Variants in CFDP1 observed in about 807,000 individuals in gnomAD.
CFDP1 encodes heterochromatin-stabilizing protein CFDP1.
Under a neutral mutation model 40.1 loss-of-function variants are expected in CFDP1, and 31 were observed. The observed-to-expected ratio is 0.77, with a 90% CI of 0.58 to 1.04. The LOEUF (loss-of-function observed/expected upper bound fraction) is 1.04, where lower values mean the gene tolerates loss of function less well. Among genes scored for constraint, CFDP1 ranks in the 50% least tolerant of loss-of-function variants. The pLI is 0.00. For synonymous variants in CFDP1, 167 were observed against 120.0 expected (o/e 1.39, Z -2.56); for missense variants, 423 against 343.4 (o/e 1.23, Z -1.83).
intron 5 of CFDP1, among the ~76,000 whole-genome samples, chr16:75,318,270 G>A (rs1393391711): frequency 6.6e-6 from 1 of 152,180 alleles, no homozygotes; most frequent in African/African-American, 2.4e-5. Flanking sequence ...GTTCCCATCA[G>A]GGACAACATG....
intron 4 of CFDP1, among the ~76,000 whole-genome samples, chr16:75,404,703 T>TG (rs1555564643): frequency 7.2e-6 from 1 of 139,562 alleles, no homozygotes; most frequent in African/African-American, 2.6e-5. Context: ...CCTGGACTCT[T>TG]AAAAAAAAAA....
intron 5 of CFDP1, among the ~76,000 whole-genome samples, chr16:75,382,581 T>C (rs182721313): frequency 6.6e-6 from 1 of 152,236 alleles, no homozygotes; most frequent in Admixed American, 6.5e-5. Context: ...CGTGCCCTTT[T>C]GAAATGGTAT....
At chr16:75,327,103 C>T (rs1242438001) in intron 5 of CFDP1, among the ~76,000 whole-genome samples, 1 of 152,090 alleles carries the variant, frequency 6.6e-6, no homozygotes, top group Non-Finnish European at 1.5e-5. Flanking sequence ...CCTGTCTCTA[C>T]TAAAAATACA....
Position 75,305,097 on chromosome 16 carries a change from G to C in CFDP1, c.736C>G (p.Leu246Val), listed in dbSNP as rs771336487. Reference sequence around the variant, plus strand: ...TCCTCCTTGAAGCTCTCCCAGTCCAGTTTGGACTTCTCAAGGGTGCTCATT... The same window carrying C: ...TCCTCCTTGAAGCTCTCCCAGTCCACTTTGGACTTCTCAAGGGTGCTCATT... ...QKMSTLEKSK[L>V]DWESFKEEEG... The change falls in exon 6 of 7, where the codon CTG becomes GTG. Residue 246 changes from leucine (L) to valine (V), a missense_variant. Coordinates refer to ENST00000283882, the MANE Select transcript of CFDP1 (RefSeq NM_006324.3). 2 of 1,613,958 alleles carry C rather than the reference G, an allele frequency of 1.2e-6. No homozygotes were observed. Among genetic ancestry groups the C allele is most frequent in the Non-Finnish European group, 1.7e-6 (2 of 1,179,992 alleles).
At chr16:75,341,990 C>T (rs2078530540) in intron 5 of CFDP1, among the ~76,000 whole-genome samples, 1 of 152,150 alleles carries the variant, frequency 6.6e-6, no homozygotes, top group Admixed American at 6.6e-5. Context: ...TCTAAAACTC[C>T]AGTGGCATTT....
intron 6 of CFDP1, among the ~76,000 whole-genome samples, chr16:75,295,038 G>C (rs2078172972): frequency 6.6e-6 from 1 of 152,210 alleles, no homozygotes. Context: ...AAATTGCCAT[G>C]GAAAATGGGA....
chr16:75,366,578 G>A (rs980498840), intron 5 of CFDP1, among the ~76,000 whole-genome samples: 2 of 152,100 alleles, frequency 1.3e-5, no homozygotes, highest in African/African-American at 2.4e-5. Flanking sequence ...AGCCGAGATC[G>A]TGCCACTGTA....
intron 5 of CFDP1, chr16:75,380,185 C>CCGATGAA: frequency 6.6e-6 from 1 of 151,526 alleles, no homozygotes; most frequent in East Asian, 1.9e-4. Flanking sequence ...GCACTTAAAG[C>CCGATGAA]CGATGAACTT....
intron 5 of CFDP1, among the ~76,000 whole-genome samples, chr16:75,328,042 A>C (rs2078416132): frequency 6.6e-6 from 1 of 151,574 alleles, no homozygotes; most frequent in Admixed American, 6.6e-5. Context: ...ACCAAATTAT[A>C]ATGTAATAGA....
chr16:75,410,142 G>C (rs1251520480), intron 4 of CFDP1, among the ~76,000 whole-genome samples: 1 of 130,032 alleles, frequency 7.7e-6, no homozygotes, highest in Non-Finnish European at 1.6e-5. Context: ...AGCTTCACTA[G>C]ATAAATAATT....
chr16:75,383,859 C>A (rs547438037), intron 5 of CFDP1, among the ~76,000 whole-genome samples: 1 of 150,322 alleles, frequency 6.7e-6, no homozygotes, highest in South Asian at 2.1e-4. Flanking sequence ...AAATTTGGCT[C>A]ACAATTTATC....
At chr16:75,415,077 AAAG>A (rs1471908543) in intron 1 of CFDP1, among the ~76,000 whole-genome samples, 7 of 152,364 alleles carry the variant, frequency 4.6e-5, no homozygotes, top group Middle Eastern at 6.8e-3. Context: ...TGTGTTTCTC[AAAG>A]AAGAAACTGA....
chr16:75,313,973 C>T (rs536227502), intron 5 of CFDP1, among the ~76,000 whole-genome samples: 21 of 152,238 alleles, frequency 1.4e-4, no homozygotes, highest in African/African-American at 4.8e-4. Context: ...CAACCTCCGC[C>T]GCCGGGGTTC....
chr16:75,328,513 C>T (rs1433142388), intron 5 of CFDP1, among the ~76,000 whole-genome samples: 5 of 141,244 alleles, frequency 3.5e-5, no homozygotes, highest in South Asian at 2.5e-4. Flanking sequence ...GCAGGAGAAT[C>T]GCTTGAACCC....
intron 4 of CFDP1, among the ~76,000 whole-genome samples, chr16:75,410,242 A>G (rs941455445): frequency 6.6e-6 from 1 of 152,078 alleles, no homozygotes; most frequent in African/African-American, 2.4e-5. Flanking sequence ...GCCAATGAAA[A>G]TCAATGTAAC....
chr16:75,431,279 T>G, intron 1 of CFDP1, among the ~76,000 whole-genome samples: 1 of 151,356 alleles, frequency 6.6e-6, no homozygotes, highest in East Asian at 1.9e-4. Flanking sequence ...TGGTGTAACT[T>G]CGTCTCTACT....
At chr16:75,422,386 C>T (rs1002328576) in intron 1 of CFDP1, among the ~76,000 whole-genome samples, 10 of 150,228 alleles carry the variant, frequency 6.7e-5, no homozygotes, top group Admixed American at 2.6e-4. Context: ...TGAGCCACTG[C>T]GTATGGCCTC....
intron 5 of CFDP1, among the ~76,000 whole-genome samples, chr16:75,329,281 C>T (rs2078427623): frequency 6.6e-6 from 1 of 152,180 alleles, no homozygotes; most frequent in Non-Finnish European, 1.5e-5. Flanking sequence ...CCACCACGAT[C>T]AGCCCAAGCA....
intron 5 of CFDP1, among the ~76,000 whole-genome samples, chr16:75,307,601 C>G (rs1057423666): frequency 6.6e-6 from 1 of 152,236 alleles, no homozygotes; most frequent in East Asian, 1.9e-4. Flanking sequence ...CTCTGTTACC[C>G]AGGCTAGAGT....
Sources: allele counts gnomAD v4.1 joint callset (sites outside exome capture counted in the v4.1 genomes callset), GRCh38; gene constraint gnomAD v4.1.1; transcripts MANE v1.5; gene names NCBI Gene and HGNC (gene_info 2026-07-23, HGNC 2026-07-21).